The following SLC17A2 variants were observed in gnomAD, a reference collection of about 807,000 sequenced individuals.
The protein encoded by SLC17A2 is sodium-dependent phosphate transport protein 3.
SLC17A2 carries 38 observed loss-of-function variants against 52.1 expected under a neutral mutation model. That is an observed-to-expected ratio of 0.73 (90% CI 0.56 to 0.96). The LOEUF (loss-of-function observed/expected upper bound fraction) is 0.96. Among genes scored for constraint, SLC17A2 ranks in the 40% least tolerant of loss-of-function variants. The probability of loss-of-function intolerance (pLI) is 0.00; values close to 1 mark genes in which losing one functional copy is unlikely to be tolerated. For synonymous variants in SLC17A2, 226 were observed against 211.9 expected (o/e 1.07, Z -0.58); for missense variants, 508 against 583.9 (o/e 0.87, Z 1.34).
chr6:25,920,518 T>C lies in SLC17A2; in HGVS notation c.562+488A>G, dbSNP rs1164825492. Among the ~76,000 whole-genome samples, 9 of 152,280 alleles carry C rather than the reference T, an allele frequency of 5.9e-5. No homozygotes were observed. The East Asian group carries it at 1.4e-3, about 23-fold the overall frequency. ...AAATAAGAATTTAAAATGGTACTTA[T>C]ATGAGAGGGTTGTTGTGAGAATTAA... On this transcript the variant is annotated intron_variant, in intron 5 of 11. Transcript: ENST00000377850.
At chr6:25,913,963 C>G (rs1040599774) in intron 11 of SLC17A2, among the ~76,000 whole-genome samples, 1 of 152,106 alleles carries the variant, frequency 6.6e-6, no homozygotes, top group African/African-American at 2.4e-5. Flanking sequence ...GCAGTTTAGT[C>G]AAATATTAAC....
chr6:25,925,091 C>T (rs886468642), intron 2 of SLC17A2, among the ~76,000 whole-genome samples: 13 of 152,124 alleles, frequency 8.5e-5, no homozygotes, highest in African/African-American at 3.1e-4. Flanking sequence ...GCCAAAAAAG[C>T]TCACAGATAA....
Position 25,914,477 on chromosome 6 carries a change from A to G in SLC17A2, c.1302+103T>C. ...GAGTCTGATTTAGAGGCTCATGTAA[A>G]TAGAGTAATTGTGTTGCCATCCAGA... is the stretch of plus-strand genomic sequence containing the variant. On this transcript the variant is annotated intron_variant, in intron 11 of 11. Transcript: ENST00000377850. 4.0e-6 allele frequency: 3 copies of G among 748,266 alleles called. No homozygotes were observed. In the South Asian group the frequency reaches 4.7e-5, roughly 12 times the overall value. 46.4% of individuals were successfully genotyped at this position (748,266 alleles called of 1,614,324 possible). A position where few individuals can be genotyped will look rare whatever the true frequency, so the allele number is the denominator to read the frequency against.
Position 25,914,634 on chromosome 6 carries a change from A to G in SLC17A2, c.1248T>C (p.Phe416=). 1 of 1,613,156 alleles carries G rather than the reference A, an allele frequency of 6.2e-7. No individual in the cohort carries two copies. The highest frequency in any genetic ancestry group is 1.1e-5 in the South Asian group (1 of 91,056). The change falls in exon 11 of 12, where the codon TTT becomes TTC. Residue 416 remains phenylalanine, a synonymous_variant. Coordinates refer to ENST00000377850, the MANE Select transcript of SLC17A2 (RefSeq NM_001286123.3). Reference sequence around the variant, plus strand: ...AAGAGATGATTCCTGCGATGAGCCCAAATCCCCTTGAGATTCCCATGAGGA... The same window carrying G: ...AAGAGATGATTCCTGCGATGAGCCCGAATCCCCTTGAGATTCCCATGAGGA... The part of the protein sequence containing the change: ...ASFLMGISRG[F]GLIAGIISST...
At chr6:25,929,850 G>C (rs1457643950) in intron 1 of SLC17A2, among the ~76,000 whole-genome samples, 1 of 152,050 alleles carries the variant, frequency 6.6e-6, no homozygotes, top group African/African-American at 2.4e-5. Context: ...ACCTAGGCTG[G>C]AGTGCAGTGG....
At position 25,916,729 on chromosome 6, in the gene SLC17A2, G is replaced by C. The variant is rs754259785; in HGVS notation, c.886C>G (p.Leu296Val). 16 of 1,613,650 alleles carry C rather than the reference G, an allele frequency of 9.9e-6. No homozygotes were observed. In the Admixed American group the frequency reaches 1.8e-4, roughly 18 times the overall value. Residue 296 changes from leucine to valine, a missense_variant, in exon 8 of 12, where the codon CTA becomes GTA. Leu to Val is a conservative substitution (Grantham distance 32). Transcript: ENST00000377850. Reference protein sequence around the residue: ...FWLCTIILTYLPTYISTLLHV... With the variant: ...FWLCTIILTYVPTYISTLLHV... ...AGCAGAGTACTGATATACGTTGGTA[G>C]GTATGTTAGGATGATGGTGCACAAC...
chr6:25,913,027 A>G lies in SLC17A2; in HGVS notation c.*290T>C. On this transcript the variant is annotated 3_prime_UTR_variant, in exon 12 of 12. Coordinates refer to ENST00000377850, the MANE Select transcript of SLC17A2 (RefSeq NM_001286123.3). ...CCAATGAGGAAAATTCAAAGGCCAC[A>G]TGAATTGACTTTTCAAGTTTGTCCA... The G allele has an allele frequency of 3.4e-6, 1 of 291,386 alleles. No homozygotes were observed. Among genetic ancestry groups the G allele is most frequent in the Admixed American group, 4.7e-5 (1 of 21,386 alleles). The allele number at this position is 291,386 out of a possible 1,614,324, so 18.1% of individuals were successfully genotyped here.
chr6:25,921,248 A>G lies in SLC17A2; in HGVS notation c.405T>C (p.Phe135=). The change falls in exon 4 of 12, where the codon TTT becomes TTC. Residue 135 remains phenylalanine, a synonymous_variant. Coordinates refer to ENST00000377850, the MANE Select transcript of SLC17A2 (RefSeq NM_001286123.3). ...GLLISSLLTL[F]TPLAADFGVI... ...CTCCGAAGTCAGCAGCCAGTGGTGTAAAGAGGGTGAGAAGGGAAGAGATCA... is the reference window on the plus strand; with the variant it reads ...CTCCGAAGTCAGCAGCCAGTGGTGTGAAGAGGGTGAGAAGGGAAGAGATCA... 6.2e-7 allele frequency: 1 copy of G among 1,614,194 alleles called. No homozygotes were observed. Among genetic ancestry groups the G allele is most frequent in the Non-Finnish European group, 8.5e-7 (1 of 1,180,032 alleles).
chr6:25,913,514 G>A, intron 11 of SLC17A2, 63 bp from the exon 12 acceptor site: 2 of 1,505,198 alleles, frequency 1.3e-6, no homozygotes, highest in Non-Finnish European at 1.8e-6. Flanking sequence ...AGTTCTAGTA[G>A]CCCTCCCAGT....
intron 10 of SLC17A2, 71 bp downstream of exon 10, chr6:25,915,428 C>T: frequency 7.5e-7 from 1 of 1,339,800 alleles, no homozygotes; most frequent in Non-Finnish European, 1.0e-6. Flanking sequence ...TAAAGAGTTT[C>T]ACGGCGACCA....
chr6:25,915,974 G>A (rs577633254), intron 8 of SLC17A2, 106 bp from the exon 9 acceptor site: 1 of 1,055,254 alleles, frequency 9.5e-7, no homozygotes, highest in East Asian at 2.6e-5. Context: ...ACTGTGGGTT[G>A]TTTGGGGGAA....
At chr6:25,925,510 CAAAA>C (rs71763063) in intron 2 of SLC17A2, among the ~76,000 whole-genome samples, 15 of 95,886 alleles carry the variant, frequency 1.6e-4, no homozygotes, top group East Asian at 2.6e-4. Context: ...AAGACTCAGT[CAAAA>C]AAAAAAAAAA....
In SLC17A2 at chr6:25,918,506, A is replaced by G. The variant is rs1271539350; in HGVS notation, c.630T>C (p.Pro210=). ...ACTCACCAAAGATGTAGAAGATAAA[A>G]GGCCAGCTCAAGGCCTGTGAGATTA... ...GGLISQALSW[P]FIFYIFGSTG... Residue 210 remains proline, a synonymous_variant, in exon 6 of 12, where the codon CCT becomes CCC. Transcript: ENST00000377850. 3 of 1,612,950 alleles carry G rather than the reference A, an allele frequency of 1.9e-6. No homozygotes were observed. In the African/African-American group the frequency reaches 4.0e-5, roughly 22 times the overall value.
In SLC17A2 at chr6:25,913,448, A is replaced by G. The variant is rs1264176891; in HGVS notation, c.1306T>C (p.Phe436Leu). The G allele has an allele frequency of 6.2e-7, 1 of 1,613,948 alleles. No homozygotes were observed. The highest frequency in any genetic ancestry group is 1.1e-5 in the South Asian group (1 of 91,074). ...TATGFLISQDFESGWRNVFFL... is the reference protein window; with the variant it reads ...TATGFLISQDLESGWRNVFFL... ...AAGACATTCCTCCAACCAGACTCAA[A>G]ATCCTAGATGTAAAAAACAGAGAAA... is the stretch of plus-strand genomic sequence containing the variant. The change falls in exon 12 of 12, where the codon TTT (phenylalanine) becomes CTT (leucine). Residue 436 changes from phenylalanine (F) to leucine (L), a missense_variant. Transcript: ENST00000377850.
At chr6:25,929,187 A>T (rs1766866590) in intron 1 of SLC17A2, among the ~76,000 whole-genome samples, 1 of 152,184 alleles carries the variant, frequency 6.6e-6, no homozygotes, top group South Asian at 2.1e-4. Context: ...CTGCAGTGGG[A>T]GGATATTCAA....
rs965229960 is a variant in SLC17A2, at chr6:25,930,656, TAGTG to T, written c.-467_-464del. 27 of 152,340 alleles carry T rather than the reference TAGTG, an allele frequency of 1.8e-4. No individual in the cohort carries two copies. The highest frequency in any genetic ancestry group is 1.4e-3 in the Admixed American group (22 of 15,300). 9.4% of individuals were successfully genotyped at this position (152,340 alleles called of 1,614,324 possible). On this transcript the variant is annotated 5_prime_UTR_variant, in exon 1 of 12. Coordinates refer to ENST00000377850, the MANE Select transcript of SLC17A2 (RefSeq NM_001286123.3). ...TTTTGCAGATTTTTACAGGGATAAA[TAGTG>T]AGCCACGTGGCAGTCAGACGGCAAC...
chr6:25,922,935 C>T (rs925846715), intron 3 of SLC17A2, among the ~76,000 whole-genome samples: 1 of 152,078 alleles, frequency 6.6e-6, no homozygotes. Context: ...GTGGCTCACA[C>T]CTGTAATCCC....
At chr6:25,927,966 C>T (rs1005662040) in intron 1 of SLC17A2, among the ~76,000 whole-genome samples, 2 of 152,104 alleles carry the variant, frequency 1.3e-5, no homozygotes, top group African/African-American at 4.8e-5. Flanking sequence ...TGCAAGATCC[C>T]GTGGCTTGGC....
chr6:25,916,711 TAC>T lies in SLC17A2; in HGVS notation c.902_903del (p.Ser301AsnfsTer6). 6.2e-7 allele frequency: 1 copy of T among 1,613,584 alleles called. No homozygotes were observed. Among genetic ancestry groups the T allele is most frequent in the Non-Finnish European group, 8.5e-7 (1 of 1,179,576 alleles). On this transcript the variant is annotated frameshift_variant, in exon 8 of 12. Transcript: ENST00000377850. LOFTEE classifies it high-confidence loss of function. ...TCTCTGATGTTAACATGGAGCAGAG[TAC>T]TGATATACGTTGGTAGGTATGTTAG... Reference protein sequence around the residue: ...IILTYLPTYISTLLHVNIRDS... With the variant: ...IILTYLPTYIXTLLHVNIRDS...
Sources: allele counts gnomAD v4.1 joint callset (sites outside exome capture counted in the v4.1 genomes callset), GRCh38; gene constraint gnomAD v4.1.1; transcripts MANE v1.5; gene names NCBI Gene and HGNC (gene_info 2026-07-23, HGNC 2026-07-21).